The following IFT88 variants were observed in gnomAD, a reference collection of about 807,000 sequenced individuals.
The protein encoded by IFT88 is intraflagellar transport protein 88 homolog.
IFT88 carries 74 observed loss-of-function variants against 119.5 expected under a neutral mutation model. The observed-to-expected ratio is 0.62, with a 90% CI of 0.51 to 0.75. The LOEUF is 0.75. Among genes scored for constraint, IFT88 ranks in the 30% least tolerant of loss-of-function variants. The pLI is 0.00. For synonymous variants in IFT88, 279 were observed against 316.7 expected (o/e 0.88, Z 1.26); for missense variants, 961 against 977.7 (o/e 0.98, Z 0.23).
intron 13 of IFT88, among the ~76,000 whole-genome samples, chr13:20,613,560 G>T (rs1011559575): frequency 6.6e-6 from 1 of 152,002 alleles, no homozygotes; most frequent in African/African-American, 2.4e-5. Flanking sequence ...ATATAACCCA[G>T]CAATTTTACG....
intron 23 of IFT88, among the ~76,000 whole-genome samples, chr13:20,670,569 A>G (rs1233445653): frequency 4.8e-5 from 7 of 144,486 alleles, no homozygotes; most frequent in African/African-American, 1.8e-4. Flanking sequence ...TTCAGGTCCA[A>G]CCATTGTATA....
chr13:20,687,022 CAAAAAAAAAAAAAAAAAA>C (rs370247448), intron 24 of IFT88, among the ~76,000 whole-genome samples: 2 of 59,806 alleles, frequency 3.3e-5, no homozygotes, highest in Admixed American at 4.4e-4. Context: ...ACTTTCTTAC[CAAAAAAAAAAAAAAAAAA>C]AAAAAAAAAC....
chr13:20,654,639 G>A (rs976817945), intron 21 of IFT88, among the ~76,000 whole-genome samples: 3 of 152,144 alleles, frequency 2.0e-5, no homozygotes, highest in Non-Finnish European at 4.4e-5. Context: ...ACCCAGTTTC[G>A]GGGGAGGTTT....
In IFT88 at chr13:20,638,434, A is replaced by G; in HGVS notation, c.1489A>G (p.Asn497Asp). ...LTNKGNTVFA[N>D]GDYEKAAEFY... ...TAATAAAGGGAATACAGTTTTTGCA[A>G]ATGGTGATTATGAGAAGGCCGCTGA... Residue 497 changes from asparagine to aspartate, a missense_variant, in exon 17 of 26, where the codon AAT becomes GAT. By Grantham distance (23) the Asn-to-Asp change is conservative. Transcript: ENST00000351808. The G allele has an allele frequency of 6.5e-7, 1 of 1,531,790 alleles. No homozygotes were observed. The highest frequency in any genetic ancestry group is 8.7e-7 in the Non-Finnish European group (1 of 1,145,062). 94.9% of individuals were successfully genotyped at this position (1,531,790 alleles called of 1,614,324 possible).
chr13:20,615,969 T>C, intron 14 of IFT88, 90 bp downstream of exon 14: 1 of 610,726 alleles, frequency 1.6e-6, no homozygotes, highest in South Asian at 2.9e-5. Context: ...ATTAGAAAAG[T>C]GGATATGAAT....
chr13:20,627,731 A>G (rs1428185719), intron 15 of IFT88, among the ~76,000 whole-genome samples: 68 of 2,518 alleles, frequency 0.027, no homozygotes, highest in African/African-American at 0.061. Context: ...ACTTCATCTC[A>G]AAAAAAAAAA....
chr13:20,621,306 A>G (rs2046432854), intron 14 of IFT88, among the ~76,000 whole-genome samples: 1 of 152,082 alleles, frequency 6.6e-6, no homozygotes, highest in Non-Finnish European at 1.5e-5. Context: ...GCCTCAAGTG[A>G]TCTGCCCACC....
At chr13:20,567,926 A>G in intron 1 of IFT88, 4 of 694,832 alleles carry the variant, frequency 5.8e-6, no homozygotes, top group Non-Finnish European at 1.1e-5. Flanking sequence ...AGGGTGTCCA[A>G]TCTTTGGCTT....
intron 22 of IFT88, among the ~76,000 whole-genome samples, chr13:20,658,373 G>A (rs1045579946): frequency 3.3e-5 from 5 of 152,152 alleles, no homozygotes; most frequent in African/African-American, 1.2e-4. Context: ...GAGCCACCAT[G>A]CCCGGCCTAG....
intron 14 of IFT88, among the ~76,000 whole-genome samples, chr13:20,619,585 T>C (rs138171965): frequency 6.6e-4 from 101 of 152,310 alleles, no homozygotes; most frequent in Middle Eastern, 3.4e-3. Context: ...ATCTAGTAGT[T>C]CATGGTATTA....
At chr13:20,653,976 T>A in intron 21 of IFT88, 48 bp downstream of exon 21, 1 of 1,114,532 alleles carries the variant, frequency 9.0e-7, no homozygotes. Context: ...GCTTCTTTCC[T>A]TTTAGGTAAT....
Position 20,578,034 on chromosome 13 carries a change from C to CTTTTTTTT in IFT88, c.90+3580_90+3587dup, listed in dbSNP as rs57202566. On this transcript the variant is annotated intron_variant, in intron 2 of 25. Coordinates refer to ENST00000351808, the MANE Select transcript of IFT88 (RefSeq NM_006531.5). ...TATTGTGGCTTCAGTCTTGTTACTT[C>CTTTTTTTT]TTTTTTTTTTTTTTTTTTTTTTTTT... is the stretch of plus-strand genomic sequence containing the variant. Among the ~76,000 whole-genome samples the CTTTTTTTT allele has an allele frequency of 1.6e-4, 9 of 55,872 alleles. 1 individual carries two copies. Among genetic ancestry groups the CTTTTTTTT allele is most frequent in the African/African-American group, 5.2e-4 (8 of 15,418 alleles). 36.7% of individuals were successfully genotyped at this position (55,872 alleles called of 152,430 possible).
At chr13:20,683,871 A>T (rs1417159831) in intron 24 of IFT88, among the ~76,000 whole-genome samples, 1 of 152,158 alleles carries the variant, frequency 6.6e-6, no homozygotes, top group Non-Finnish European at 1.5e-5. Flanking sequence ...CTTTCCAGGG[A>T]ACAGAAGTAG....
At chr13:20,611,398 A>G (rs1165556440) in intron 13 of IFT88, among the ~76,000 whole-genome samples, 1 of 148,758 alleles carries the variant, frequency 6.7e-6, no homozygotes, top group African/African-American at 2.5e-5. Flanking sequence ...ACATGGTGAT[A>G]TGCACTGTAG....
intron 1 of IFT88, among the ~76,000 whole-genome samples, chr13:20,571,359 AT>A (rs1426363388): frequency 6.6e-6 from 1 of 152,126 alleles, no homozygotes; most frequent in Non-Finnish European, 1.5e-5. Context: ...GAAAATATGT[AT>A]TTGCTTTAAA....
intron 1 of IFT88, among the ~76,000 whole-genome samples, chr13:20,572,035 A>G (rs896542909): frequency 4.6e-5 from 2 of 43,578 alleles, no homozygotes; most frequent in African/African-American, 1.1e-4. Flanking sequence ...TTGCTTTGAT[A>G]TCTTTTTTTC....
At chr13:20,660,849 G>A (rs1455915237) in intron 22 of IFT88, among the ~76,000 whole-genome samples, 2 of 152,150 alleles carry the variant, frequency 1.3e-5, no homozygotes, top group African/African-American at 4.8e-5. Flanking sequence ...CCAAGAGGAT[G>A]TATTAAATAG....
chr13:20,672,294 G>A (rs893334335), intron 24 of IFT88, among the ~76,000 whole-genome samples: 4 of 152,158 alleles, frequency 2.6e-5, no homozygotes, highest in South Asian at 2.1e-4. Flanking sequence ...TCAGTCCAGC[G>A]TCTCCAGCTA....
chr13:20,606,709 TC>T (rs1339956226), intron 13 of IFT88, among the ~76,000 whole-genome samples: 1 of 152,084 alleles, frequency 6.6e-6, no homozygotes, highest in Non-Finnish European at 1.5e-5. Context: ...TGAAACCTCA[TC>T]TTTACTAAAA....
Sources: allele counts gnomAD v4.1 joint callset (sites outside exome capture counted in the v4.1 genomes callset), GRCh38; gene constraint gnomAD v4.1.1; transcripts MANE v1.5; gene names NCBI Gene and HGNC (gene_info 2026-07-23, HGNC 2026-07-21).